SAMD7: variants seen among roughly 807,000 people sequenced by gnomAD.
The protein encoded by SAMD7 is sterile alpha motif domain containing 7, also known as sterile alpha motif domain-containing protein 7.
Under a neutral mutation model 36.7 loss-of-function variants are expected in SAMD7, and 34 were observed. The observed-to-expected ratio is 0.93, with a 90% CI of 0.71 to 1.23. The LOEUF is 1.23. Ranked by LOEUF, SAMD7 falls within the 50% of genes most tolerant of loss-of-function variation. The pLI, the probability that SAMD7 is intolerant of heterozygous loss-of-function variation, is 0.00. For synonymous variants in SAMD7, 188 were observed against 189.7 expected (o/e 0.99, Z 0.07); for missense variants, 570 against 546.6 (o/e 1.04, Z -0.43).
chr3:169,916,613 A>C (rs1712813884), intron 2 of SAMD7, among the ~76,000 whole-genome samples: 3 of 152,156 alleles, frequency 2.0e-5, no homozygotes. Context: ...ACGCCATTGC[A>C]CTCCAGCCTG....
At position 169,919,504 on chromosome 3, in the gene SAMD7, T is replaced by G. The variant is rs759899594; in HGVS notation, c.6T>G (p.Ala2=). The change falls in exon 3 of 9, where the codon GCT becomes GCG. Residue 2 remains alanine, a synonymous_variant. Transcript: ENST00000335556. M[A]VNPLLTPTGQ... Reference sequence around the variant, plus strand: ...TATTGAAGACAAACCCGGTGATGGCTGTGAACCCTTTATTGACACCAACAG... The same window carrying G: ...TATTGAAGACAAACCCGGTGATGGCGGTGAACCCTTTATTGACACCAACAG... The G allele has an allele frequency of 1.9e-6, 3 of 1,614,032 alleles. No homozygotes were observed. In the South Asian group the frequency reaches 3.3e-5, roughly 18 times the overall value.
At chr3:169,930,460 A>G (rs1310227714) in intron 7 of SAMD7, among the ~76,000 whole-genome samples, 1 of 151,774 alleles carries the variant, frequency 6.6e-6, no homozygotes, top group Non-Finnish European at 1.5e-5. Flanking sequence ...AAATGGGGAG[A>G]TGCCCTCTGG....
At chr3:169,920,363 C>T (rs1712993408) in intron 3 of SAMD7, among the ~76,000 whole-genome samples, 1 of 152,158 alleles carries the variant, frequency 6.6e-6, no homozygotes, top group Non-Finnish European at 1.5e-5. Context: ...CATAGCCCTT[C>T]CTAGTTTGCC....
In SAMD7 at chr3:169,926,945, A is replaced by T; in HGVS notation, c.683A>T (p.Asp228Val). Reference sequence around the variant, plus strand: ...GAGGATCATTATGCAAAAGACCCAGACATTGAAGCACCCAGCAACCAGAAG... The same window carrying T: ...GAGGATCATTATGCAAAAGACCCAGTCATTGAAGCACCCAGCAACCAGAAG... ...YEEDHYAKDP[D>V]IEAPSNQKSS... is the part of the protein sequence containing the mutation. The change falls in exon 6 of 9, where the codon GAC becomes GTC. Residue 228 changes from aspartate (D) to valine (V), a missense_variant. By Grantham distance (152) the Asp-to-Val change is radical. Transcript: ENST00000335556. 1.9e-6 allele frequency: 3 copies of T among 1,614,088 alleles called. No individual in the cohort carries two copies. The highest frequency in any genetic ancestry group is 2.5e-6 in the Non-Finnish European group (3 of 1,179,994).
intron 1 of SAMD7, among the ~76,000 whole-genome samples, chr3:169,913,263 A>G (rs1022483969): frequency 6.6e-6 from 1 of 152,350 alleles, no homozygotes; most frequent in Admixed American, 6.5e-5. Context: ...AATATTCTAC[A>G]TACGATTAGT....
At chr3:169,913,637 C>G (rs1372946368) in intron 1 of SAMD7, among the ~76,000 whole-genome samples, 3 of 152,210 alleles carry the variant, frequency 2.0e-5, no homozygotes, top group Non-Finnish European at 4.4e-5. Flanking sequence ...CTAAGCACCA[C>G]TGCACTCCCT....
rs1449477565 is a variant in SAMD7, at chr3:169,926,630, G to A, written c.368G>A (p.Gly123Glu). The A allele has an allele frequency of 6.2e-7, 1 of 1,613,922 alleles. No homozygotes were observed. Residue 123 changes from glycine to glutamate, a missense_variant, in exon 6 of 9, where the codon GGG becomes GAG. Physicochemically the swap from Gly to Glu is moderately conservative, Grantham distance 98. Transcript: ENST00000335556. ...AATCCCAAGGGACTAGCAGGCCTAGGGATACCCTTCCTCTATGGCTCCAGT... is the reference window on the plus strand; with the variant it reads ...AATCCCAAGGGACTAGCAGGCCTAGAGATACCCTTCCTCTATGGCTCCAGT... ...KINPKGLAGL[G>E]IPFLYGSSVP...
At chr3:169,933,247 A>C (rs1322735901) in intron 7 of SAMD7, 1 of 526,204 alleles carries the variant, frequency 1.9e-6, no homozygotes, top group East Asian at 3.8e-5. Context: ...TCTCAATAAA[A>C]AATAAGTGAA....
At chr3:169,937,403 C>G (rs1372040391) in intron 8 of SAMD7, among the ~76,000 whole-genome samples, 1 of 152,164 alleles carries the variant, frequency 6.6e-6, no homozygotes, top group Non-Finnish European at 1.5e-5. Context: ...GATGCTCTCC[C>G]TCCCCCCATC....
At chr3:169,932,632 A>G in intron 7 of SAMD7, 1 of 539,452 alleles carries the variant, frequency 1.9e-6, no homozygotes, top group Non-Finnish European at 3.7e-6. Flanking sequence ...AAACAGAATC[A>G]GCTTGTGCCG....
chr3:169,926,112 C>T, intron 5 of SAMD7: 1 of 453,240 alleles, frequency 2.2e-6, no homozygotes, highest in South Asian at 1.8e-5. Flanking sequence ...ACTACCGAGT[C>T]TTTTCCTCTG....
At chr3:169,928,327 A>G in intron 6 of SAMD7, 130 bp from the exon 7 acceptor site, 1 of 639,036 alleles carries the variant, frequency 1.6e-6, no homozygotes, top group Non-Finnish European at 2.7e-6. Flanking sequence ...AACATCTCCT[A>G]GTAATTCCTA....
rs200235684 is a variant in SAMD7 at position 169,938,486 on chromosome 3, C to T, written c.1321C>T (p.Arg441Ter). ...QDTIIPKGIE[R>*]GSMRN is the part of the protein sequence containing the mutation. Reference sequence around the variant, plus strand: ...TACAATAATTCCTAAAGGAATTGAGCGAGGTAGTATGAGAAACTAAAAGCC... The same window carrying T: ...TACAATAATTCCTAAAGGAATTGAGTGAGGTAGTATGAGAAACTAAAAGCC... The change falls in exon 9 of 9, where the codon CGA (arginine) becomes TGA (stop). Residue 441 changes from arginine to a stop codon, truncating the protein, a stop_gained. Coordinates refer to ENST00000335556, the MANE Select transcript of SAMD7 (RefSeq NM_001304366.2). LOFTEE classifies it high-confidence loss of function. 3.9e-5 allele frequency: 63 copies of T among 1,609,296 alleles called. No individual in the cohort carries two copies. The highest frequency in any genetic ancestry group is 5.5e-5 in the South Asian group (5 of 90,634).
At chr3:169,929,209 G>C (rs760382228) in intron 7 of SAMD7, among the ~76,000 whole-genome samples, 8 of 152,096 alleles carry the variant, frequency 5.3e-5, no homozygotes, top group Non-Finnish European at 1.5e-5. Context: ...AAAAGTCATA[G>C]GTTGGTAAAA....
intron 4 of SAMD7, among the ~76,000 whole-genome samples, chr3:169,924,241 G>A (rs1322408337): frequency 6.6e-6 from 1 of 151,794 alleles, no homozygotes; most frequent in African/African-American, 2.4e-5. Context: ...TTTCAAGATA[G>A]ATTATTGGTA....
At chr3:169,928,700 T>A in intron 7 of SAMD7, 122 bp downstream of exon 7, 1 of 1,026,802 alleles carries the variant, frequency 9.7e-7, no homozygotes, top group Non-Finnish European at 1.4e-6. Context: ...CTCTCTTTTT[T>A]ATGCCAGTGT....
chr3:169,932,559 T>A, intron 7 of SAMD7: 1 of 533,408 alleles, frequency 1.9e-6, no homozygotes, highest in Middle Eastern at 3.4e-4. Flanking sequence ...GAGCAGCTGT[T>A]GAGCCCCTTC....
chr3:169,919,502 G>T lies in SAMD7; in HGVS notation c.4G>T (p.Ala2Ser), dbSNP rs200475563. The T allele has an allele frequency of 6.8e-5, 109 of 1,613,820 alleles. No individual in the cohort carries two copies. The highest frequency in any genetic ancestry group is 8.6e-5 in the Non-Finnish European group (101 of 1,179,800). MAVNPLLTPTGQ... is the reference protein window; with the variant it reads MSVNPLLTPTGQ... ...GATATTGAAGACAAACCCGGTGATG[G>T]CTGTGAACCCTTTATTGACACCAAC... Residue 2 changes from alanine (A) to serine (S), a missense_variant, in exon 3 of 9, where the codon GCT becomes TCT. Transcript: ENST00000335556.
At chr3:169,933,323 T>C (rs768871392) in intron 7 of SAMD7, 13 of 352,496 alleles carry the variant, frequency 3.7e-5, no homozygotes, top group Non-Finnish European at 5.8e-5. Context: ...GGATTGGAAA[T>C]GGCCAGCAGC....
Sources: gnomAD v4.1 joint callset for allele counts (sites outside exome capture counted in the v4.1 genomes callset) on GRCh38, gnomAD v4.1.1 for gene constraint, MANE v1.5 for transcripts, NCBI Gene and HGNC (gene_info 2026-07-23, HGNC 2026-07-21) for gene names.